SMARCA2: variants seen among roughly 807,000 people sequenced by gnomAD.
The protein encoded by SMARCA2 is SWI/SNF-related matrix-associated actin-dependent regulator of chromatin subfamily A member 2.
A neutral mutation model predicts 199.8 loss-of-function variants in SMARCA2; 61 were observed. The ratio of observed to expected loss-of-function variants is 0.31; its 90% CI spans 0.25 to 0.38. The LOEUF is 0.38. SMARCA2 is among the 10% of genes least tolerant of loss of function. The pLI is 1.00. For missense variants in SMARCA2, 1,344 were observed against 2,012.2 expected (o/e 0.67, Z 6.35); for synonymous variants, 935 against 732.0 (o/e 1.28, Z -4.48).
Position 2,119,496 on chromosome 9 carries a change from A to G in SMARCA2, c.3723A>G (p.Gln1241=), listed in dbSNP as rs1325989982. 1 of 1,613,622 alleles carries G rather than the reference A, an allele frequency of 6.2e-7. No individual in the cohort carries two copies. The highest frequency in any genetic ancestry group is 8.5e-7 in the Non-Finnish European group (1 of 1,179,564). ...TACCGGACGATGAGACTCTGAACCAAATGATTGCTCGACGAGAAGAAGAAT... is the reference window on the plus strand; with the variant it reads ...TACCGGACGATGAGACTCTGAACCAGATGATTGCTCGACGAGAAGAAGAAT... ...DEVPDDETLN[Q]MIARREEEFD... Residue 1241 remains glutamine, a synonymous_variant, in exon 26 of 34, where the codon CAA becomes CAG. Transcript: ENST00000349721. This position sits in a 1 kb window ranked among gnomAD's most constrained non-coding sequence, Gnocchi z 4.6.
intron 27 of SMARCA2, among the ~76,000 whole-genome samples, chr9:2,150,529 A>G (rs528529712): frequency 6.6e-6 from 1 of 151,700 alleles, no homozygotes; most frequent in South Asian, 2.1e-4. Context: ...AGATTATAGG[A>G]TGGCAGGAAA....
At chr9:2,188,323 A>C (rs1431298716) in intron 32 of SMARCA2, among the ~76,000 whole-genome samples, 2 of 150,890 alleles carry the variant, frequency 1.3e-5, no homozygotes, top group African/African-American at 4.9e-5. Flanking sequence ...AAGATGTAAA[A>C]TGTATGTGAT....
chr9:2,176,512 G>C (rs544056045), intron 29 of SMARCA2, among the ~76,000 whole-genome samples: 6 of 152,006 alleles, frequency 3.9e-5, no homozygotes, highest in African/African-American at 1.2e-4. Flanking sequence ...GTAACTCAGG[G>C]ACATTATTTA....
rs1827298160 is a variant in SMARCA2 at position 2,184,594 on chromosome 9, C to T, written c.4462-1502C>T. 2.0e-5 allele frequency among the ~76,000 whole-genome samples: 3 copies of T among 152,122 alleles called. No homozygotes were observed. In the South Asian group the frequency reaches 6.2e-4, roughly 32 times the overall value. ...GGTCTCGAACTCCTGACCTCGTGAT[C>T]TACCCACCTCAGCCTCCTAAAGTGC... On this transcript the variant is annotated intron_variant, in intron 31 of 33. Coordinates refer to ENST00000349721, the MANE Select transcript of SMARCA2 (RefSeq NM_003070.5).
At chr9:2,041,611 C>A (rs1819605492) in intron 4 of SMARCA2, 1 of 390,250 alleles carries the variant, frequency 2.6e-6, no homozygotes, top group Middle Eastern at 6.5e-4. Flanking sequence ...AACTTTCAGA[C>A]CATGGCAGTG....
chr9:2,123,519 C>T lies in SMARCA2; in HGVS notation c.3763-200C>T, dbSNP rs1304322519. Among the ~76,000 whole-genome samples the T allele has an allele frequency of 6.6e-6, 1 of 151,978 alleles. No homozygotes were observed. The highest frequency in any genetic ancestry group is 1.5e-5 in the Non-Finnish European group (1 of 67,990). On this transcript the variant is annotated intron_variant, in intron 26 of 33. Coordinates refer to ENST00000349721, the MANE Select transcript of SMARCA2 (RefSeq NM_003070.5). The surrounding 1 kb of genome is among the most constrained non-coding windows in gnomAD (Gnocchi z 4.1). ...ATGAATAAGTTTCAAAAGGTGGGTACAGAAAAAGGGAGGGGATTTTACTTA... is the reference window on the plus strand; with the variant it reads ...ATGAATAAGTTTCAAAAGGTGGGTATAGAAAAAGGGAGGGGATTTTACTTA...
At chr9:2,042,538 T>A (rs1819651155) in intron 4 of SMARCA2, 2 of 152,176 alleles carry the variant, frequency 1.3e-5, no homozygotes, top group African/African-American at 4.8e-5. Context: ...CTGAACACAG[T>A]AGTAAAATTT....
intron 31 of SMARCA2, among the ~76,000 whole-genome samples, chr9:2,184,960 T>C (rs1243294079): frequency 6.6e-6 from 1 of 152,316 alleles, no homozygotes; most frequent in Middle Eastern, 3.4e-3. Flanking sequence ...AACGAGTAGG[T>C]CTTCTTTACA....
intron 1 of SMARCA2, among the ~76,000 whole-genome samples, chr9:2,028,066 T>C (rs1337193509): frequency 6.6e-6 from 1 of 152,236 alleles, no homozygotes; most frequent in Non-Finnish European, 1.5e-5. Context: ...ATAGTTCTGC[T>C]GAAATTGTAG....
intron 9 of SMARCA2, among the ~76,000 whole-genome samples, chr9:2,065,310 G>A (rs936890829): frequency 1.3e-5 from 2 of 152,118 alleles, no homozygotes; most frequent in Non-Finnish European, 2.9e-5. Context: ...CTATTCTTGT[G>A]TTATTTATTT....
Position 2,056,710 on chromosome 9 carries a change from G to C in SMARCA2, c.1212G>C (p.Thr404=). The C allele has an allele frequency of 6.2e-7, 1 of 1,614,126 alleles. No homozygotes were observed. The highest frequency in any genetic ancestry group is 1.1e-5 in the South Asian group (1 of 91,058). The stretch of plus-strand genomic sequence containing the variant: ...TGGTGGCCTGCATGCGCAGGGACAC[G>C]ACCCTGGAGACGGCTCTCAACTCCA... The part of the protein sequence containing the change: ...QEVVACMRRD[T]TLETALNSKA... The change falls in exon 7 of 34, where the codon ACG becomes ACC. Residue 404 remains threonine (T), a synonymous_variant. Coordinates refer to ENST00000349721, the MANE Select transcript of SMARCA2 (RefSeq NM_003070.5). The surrounding 1 kb of genome is among the most constrained non-coding windows in gnomAD (Gnocchi z 4.0).
intron 25 of SMARCA2, 49 bp downstream of exon 25, chr9:2,116,098 C>T (rs1276606751): frequency 7.4e-7 from 1 of 1,342,938 alleles, no homozygotes; most frequent in Admixed American, 1.8e-5. Flanking sequence ...GGCCTTTTGT[C>T]TCTGAAGGAC....
chr9:2,017,044 GCTCC>G lies in SMARCA2; in HGVS notation c.-37+1641_-37+1644del, dbSNP rs1818383386. The stretch of plus-strand genomic sequence containing the variant: ...CGGAGGGCGGGGCGCGGCAGTGCGG[GCTCC>G]GGCGGACACCCGCGCCTTGGCCGGG... On this transcript the variant is annotated intron_variant, in intron 1 of 33. Coordinates refer to ENST00000349721, the MANE Select transcript of SMARCA2 (RefSeq NM_003070.5). The surrounding 1 kb of genome is among the most constrained non-coding windows in gnomAD (Gnocchi z 8.8). The G allele has an allele frequency of 6.6e-6, 1 of 152,252 alleles. No homozygotes were observed. The highest frequency in any genetic ancestry group is 2.4e-5 in the African/African-American group (1 of 41,452). 9.4% of individuals were successfully genotyped at this position (152,252 alleles called of 1,614,324 possible).
At chr9:2,127,692 G>A (rs1278493016) in intron 27 of SMARCA2, among the ~76,000 whole-genome samples, 3 of 152,232 alleles carry the variant, frequency 2.0e-5, no homozygotes, top group Admixed American at 2.0e-4. Context: ...TGGAAATGTG[G>A]TCTGGCTGTG....
intron 3 of SMARCA2, among the ~76,000 whole-genome samples, chr9:2,034,559 C>T (rs543155800): frequency 1.3e-5 from 2 of 152,290 alleles, no homozygotes; most frequent in South Asian, 4.1e-4. Context: ...GTAGTTATTC[C>T]AATTCAAGGT....
rs551408146 is a variant in SMARCA2, at chr9:2,141,564, A to G, written c.3981+17627A>G. On this transcript the variant is annotated intron_variant, in intron 27 of 33. Transcript: ENST00000349721. ...CCTTTTAACTCTCAAAGCTAAAATA[A>G]GAAGATTGTGTAGTTACTAGTTAAA... 8.1e-4 allele frequency among the ~76,000 whole-genome samples: 124 copies of G among 152,326 alleles called. 2 individuals carry two copies. Among genetic ancestry groups the G allele is most frequent in the African/African-American group, 2.8e-3 (118 of 41,572 alleles).
At chr9:2,090,751 C>A (rs1047971504) in intron 19 of SMARCA2, among the ~76,000 whole-genome samples, 1 of 152,124 alleles carries the variant, frequency 6.6e-6, no homozygotes, top group Non-Finnish European at 1.5e-5. Context: ...CGGTAGCCCC[C>A]CCACATCTCT....
At chr9:2,055,608 G>C (rs561416830) in intron 6 of SMARCA2, 2 of 152,242 alleles carry the variant, frequency 1.3e-5, no homozygotes, top group African/African-American at 4.8e-5. Context: ...GGCCACTCCA[G>C]TTGCTATTGT....
chr9:2,079,180 A>G (rs148126596), intron 14 of SMARCA2, among the ~76,000 whole-genome samples: 3 of 152,306 alleles, frequency 2.0e-5, no homozygotes, highest in South Asian at 2.1e-4. Flanking sequence ...CCGTCAGCAC[A>G]CTTGGGACTC....
Sources: allele counts gnomAD v4.1 joint callset (sites outside exome capture counted in the v4.1 genomes callset), GRCh38; gene constraint gnomAD v4.1.1; non-coding constraint Gnocchi (gnomAD v3.1); transcripts MANE v1.5; gene names NCBI Gene and HGNC (gene_info 2026-07-23, HGNC 2026-07-21).